NLRP9: variants seen among roughly 807,000 people sequenced by gnomAD.
NLRP9 encodes the protein NACHT, LRR and PYD domains-containing protein 9.
A neutral mutation model predicts 83.1 loss-of-function variants in NLRP9; 88 were observed. The observed-to-expected ratio is 1.06, with a 90% CI of 0.89 to 1.26. The LOEUF is 1.26. NLRP9 is among the 50% of genes most tolerant of loss of function. NLRP9 has a pLI of 0.00. For missense variants in NLRP9, 1,308 were observed against 1,179.3 expected (o/e 1.11, Z -1.60); for synonymous variants, 521 against 447.6 (o/e 1.16, Z -2.07).
intron 2 of NLRP9, among the ~76,000 whole-genome samples, chr19:55,730,420 C>T (rs562425793): frequency 6.7e-6 from 1 of 148,978 alleles, no homozygotes; most frequent in Non-Finnish European, 1.5e-5. Context: ...TGCCACTGCA[C>T]TAAGCTAGGG....
intron 1 of NLRP9, 105 bp downstream of exon 1, chr19:55,737,990 A>T: frequency 9.2e-7 from 1 of 1,090,316 alleles, no homozygotes; most frequent in South Asian, 1.4e-5. Flanking sequence ...ACCTTGACCC[A>T]CACACATTCT....
intron 1 of NLRP9, among the ~76,000 whole-genome samples, chr19:55,735,929 C>A (rs1458216454): frequency 6.6e-6 from 1 of 151,796 alleles, no homozygotes; most frequent in Non-Finnish European, 1.5e-5. Flanking sequence ...CTTAGGTGAT[C>A]CGCCCACCTC....
intron 1 of NLRP9, among the ~76,000 whole-genome samples, chr19:55,736,909 T>C (rs532805889): frequency 6.7e-6 from 1 of 150,336 alleles, no homozygotes; most frequent in Admixed American, 6.6e-5. Context: ...TAAAATACCC[T>C]CAAGCATGTG....
chr19:55,713,211 G>C (rs1040423707), intron 6 of NLRP9, among the ~76,000 whole-genome samples: 1 of 151,126 alleles, frequency 6.6e-6, no homozygotes, highest in Admixed American at 6.6e-5. Context: ...GCCCTCCCCT[G>C]ACTATTTTGT....
At chr19:55,711,103 C>CAAA (rs1399591300) in intron 8 of NLRP9, among the ~76,000 whole-genome samples, 1 of 122,210 alleles carries the variant, frequency 8.2e-6, no homozygotes, top group African/African-American at 3.8e-5. Context: ...CAAAACAAAA[C>CAAA]AAAACAAAAA....
intron 4 of NLRP9, among the ~76,000 whole-genome samples, chr19:55,721,183 G>A (rs1169101505): frequency 6.6e-6 from 1 of 152,174 alleles, no homozygotes; most frequent in Non-Finnish European, 1.5e-5. Flanking sequence ...TTTTAAGAAT[G>A]CACTATTGTT....
chr19:55,716,847 G>A lies in NLRP9; in HGVS notation c.2211C>T (p.Val737=). 1 of 1,613,864 alleles carries A rather than the reference G, an allele frequency of 6.2e-7. No individual in the cohort carries two copies. The highest frequency in any genetic ancestry group is 8.5e-7 in the Non-Finnish European group (1 of 1,179,926). The part of the protein sequence containing the change: ...SSEVCEDIAS[V]LACNSKLKHL... The stretch of plus-strand genomic sequence containing the variant: ...GTTTCAGCTTGCTGTTGCAGGCCAG[G>A]ACGGAGGCGATGTCTTCACAAACTT... The change falls in exon 5 of 9, where the codon GTC becomes GTT. Residue 737 remains valine, a synonymous_variant. Coordinates refer to ENST00000332836, the MANE Select transcript of NLRP9 (RefSeq NM_176820.4).
intron 3 of NLRP9, among the ~76,000 whole-genome samples, chr19:55,729,139 T>C (rs546912593): frequency 6.7e-6 from 1 of 149,526 alleles, no homozygotes; most frequent in Non-Finnish European, 1.5e-5. Flanking sequence ...GAAACATCTA[T>C]TCTCCATCCA....
chr19:55,732,447 G>C lies in NLRP9; in HGVS notation c.1384C>G (p.Pro462Ala), dbSNP rs754096801. The change falls in exon 2 of 9, where the codon CCC becomes GCC. Residue 462 changes from proline to alanine, a missense_variant. Coordinates refer to ENST00000332836, the MANE Select transcript of NLRP9 (RefSeq NM_176820.4). ...CAAMFYLLKRPKDDPNPAIGS... is the reference protein window; with the variant it reads ...CAAMFYLLKRAKDDPNPAIGS... ...ATGGCCGGGTTAGGATCGTCTTTGG[G>C]TCGTTTGAGCAAATAAAACATGGCG... 4 of 1,614,216 alleles carry C rather than the reference G, an allele frequency of 2.5e-6. No individual in the cohort carries two copies. The South Asian group carries it at 4.4e-5, about 18-fold the overall frequency.
chr19:55,711,479 A>G (rs1380298272), intron 8 of NLRP9: 2 of 1,329,596 alleles, frequency 1.5e-6, no homozygotes, highest in Non-Finnish European at 2.0e-6. Flanking sequence ...CAACGTAAGT[A>G]GAAGATGTTT....
chr19:55,727,668 T>C (rs1369705925), intron 3 of NLRP9, among the ~76,000 whole-genome samples: 1 of 152,134 alleles, frequency 6.6e-6, no homozygotes, highest in Non-Finnish European at 1.5e-5. Context: ...CTTTAGAAAT[T>C]CTTTTGAGTC....
chr19:55,718,543 T>G (rs899373461), intron 4 of NLRP9, among the ~76,000 whole-genome samples: 3 of 152,182 alleles, frequency 2.0e-5, no homozygotes, highest in African/African-American at 7.2e-5. Context: ...GATGTTTGGA[T>G]GAAGAGAAAC....
chr19:55,713,623 ACTCCCCTCCTCCTCCT>A (rs1987874652), intron 6 of NLRP9, among the ~76,000 whole-genome samples: 1 of 3,714 alleles, frequency 2.7e-4, no homozygotes, highest in East Asian at 6.8e-3. Flanking sequence ...TCTCCCTCTT[ACTCCCCTCCTCCTCCT>A]CTCCCCTCTC....
rs1987959099 is a variant in NLRP9 at position 55,715,158 on chromosome 19, A to T, written c.2398T>A (p.Ser800Thr). 2 of 1,613,284 alleles carry T rather than the reference A, an allele frequency of 1.2e-6. No homozygotes were observed. Among genetic ancestry groups the T allele is most frequent in the Non-Finnish European group, 1.7e-6 (2 of 1,179,894 alleles). ...GAGCCCAGATCGAGGAGGGACAGGG[A>T]CTTACTGCACAAGAGGACTTCGGAA... is the stretch of plus-strand genomic sequence containing the variant. ...SISEVLLCSK[S>T]LSLLDLGSNA... is the part of the protein sequence containing the mutation. The change falls in exon 6 of 9, where the codon TCC becomes ACC. Residue 800 changes from serine to threonine, a missense_variant. Physicochemically the swap from Ser to Thr is moderately conservative, Grantham distance 58. Coordinates refer to ENST00000332836, the MANE Select transcript of NLRP9 (RefSeq NM_176820.4).
At chr19:55,730,016 T>C (rs772295920) in intron 2 of NLRP9, 24 bp from the exon 3 acceptor site, 1 of 1,602,032 alleles carries the variant, frequency 6.2e-7, no homozygotes, top group East Asian at 2.2e-5. Flanking sequence ...AAGATTGTGA[T>C]TCTCCAGTGG....
chr19:55,713,588 C>CCTCCTCCT (rs1208192929), intron 6 of NLRP9, among the ~76,000 whole-genome samples: 5 of 133,686 alleles, frequency 3.7e-5, no homozygotes, highest in Non-Finnish European at 8.2e-5. Flanking sequence ...TCCCTCCTCC[C>CCTCCTCCT]CTCCTCCTCC....
intron 4 of NLRP9, among the ~76,000 whole-genome samples, chr19:55,718,310 C>G (rs545178151): frequency 6.6e-6 from 1 of 152,180 alleles, no homozygotes; most frequent in African/African-American, 2.4e-5. Context: ...ACCCGACACC[C>G]GTAAAGGGTC....
At chr19:55,711,677 G>C in intron 8 of NLRP9, 123 bp downstream of exon 8, 1 of 976,430 alleles carries the variant, frequency 1.0e-6, no homozygotes, top group East Asian at 2.6e-5. Flanking sequence ...AGGGGCCCAA[G>C]GACAGGCCCC....
chr19:55,711,615 T>C (rs1421751455), intron 8 of NLRP9, 185 bp downstream of exon 8: 1 of 878,626 alleles, frequency 1.1e-6, no homozygotes, highest in African/African-American at 1.7e-5. Flanking sequence ...AGGCCGAGAA[T>C]GTTGCTTGAC....
Sources: gnomAD v4.1 joint callset for allele counts (sites outside exome capture counted in the v4.1 genomes callset) on GRCh38, gnomAD v4.1.1 for gene constraint, MANE v1.5 for transcripts, NCBI Gene and HGNC (gene_info 2026-07-23, HGNC 2026-07-21) for gene names.